The following SLC37A1 variants were observed in gnomAD, a reference collection of about 807,000 sequenced individuals.
The protein encoded by SLC37A1 is glucose-6-phosphate exchanger SLC37A1.
A neutral mutation model predicts 75.3 loss-of-function variants in SLC37A1; 49 were observed. The ratio of observed to expected loss-of-function variants is 0.65; its 90% CI spans 0.52 to 0.83. The LOEUF (loss-of-function observed/expected upper bound fraction) is 0.83, where lower values mean the gene tolerates loss of function less well. SLC37A1 is among the 40% of genes least tolerant of loss of function. The pLI is 0.00. For synonymous variants in SLC37A1, 268 were observed against 292.1 expected, an observed-to-expected ratio of 0.92 and a Z score of 0.84; for missense variants, 566 against 695.0, an observed-to-expected ratio of 0.81 and a Z score of 2.09.
chr21:42,542,938 G>A (rs759859124), intron 7 of SLC37A1, among the ~76,000 whole-genome samples: 3 of 152,248 alleles, frequency 2.0e-5, no homozygotes, highest in Admixed American at 6.5e-5. Context: ...TTATTTATTT[G>A]TAAAATTCAG....
At chr21:42,561,856 T>G (rs891549770) in intron 11 of SLC37A1, 147 of 503,332 alleles carry the variant, frequency 2.9e-4, no homozygotes, top group Non-Finnish European at 1.8e-5. Context: ...GCCCCGCCCC[T>G]CCCTGGTGCC....
At chr21:42,509,086 A>C (rs1246383328), upstream of SLC37A1, among the ~76,000 whole-genome samples, 1 of 152,242 alleles carries the variant, frequency 6.6e-6, no homozygotes, top group East Asian at 1.9e-4. The surrounding 1 kb of genome is among the most constrained non-coding windows in gnomAD (Gnocchi z 4.2). Context: ...AAATGATACT[A>C]AAGGTATATA....
chr21:42,510,569 T>A (rs1405721201), upstream of SLC37A1, among the ~76,000 whole-genome samples: 2 of 151,656 alleles, frequency 1.3e-5, no homozygotes, highest in Non-Finnish European at 2.9e-5. Flanking sequence ...AATCAAAAGA[T>A]AGAAGTGGCT....
Position 42,539,535 on chromosome 21 carries a change from C to T in SLC37A1, c.374C>T (p.Pro125Leu), listed in dbSNP as rs765963882. 1.6e-5 allele frequency: 26 copies of T among 1,613,302 alleles called. 1 individual carries two copies. Among genetic ancestry groups the T allele is most frequent in the African/African-American group, 2.7e-5 (2 of 74,992 alleles). The change falls in exon 6 of 20, where the codon CCG becomes CTG. Residue 125 changes from proline to leucine, a missense_variant. Coordinates refer to ENST00000352133, the MANE Select transcript of SLC37A1 (RefSeq NM_001320537.2). ...YLSGIIGERL[P>L]IRYYLTFGML... ...AGTGGCATCATTGGGGAGCGCCTGC[C>T]GATTAGGTATTACCTAACTTTCGGG...
rs2056408747 is a variant in SLC37A1 at position 42,580,763 on chromosome 21, G to A, written c.*403G>A. The A allele has an allele frequency of 1.3e-5, 3 of 235,876 alleles. No individual in the cohort carries two copies. Among genetic ancestry groups the A allele is most frequent in the Non-Finnish European group, 2.5e-5 (3 of 119,312 alleles). 14.6% of individuals were successfully genotyped at this position (235,876 alleles called of 1,614,324 possible). Reference sequence around the variant, plus strand: ...AAAGTGAGCGAGTACTGCGCTGGCTGTGGCTTCAGAGAACCTGTATGTGCC... The same window carrying A: ...AAAGTGAGCGAGTACTGCGCTGGCTATGGCTTCAGAGAACCTGTATGTGCC... On this transcript the variant is annotated 3_prime_UTR_variant, in exon 20 of 20. Coordinates refer to ENST00000352133, the MANE Select transcript of SLC37A1 (RefSeq NM_001320537.2).
chr21:42,562,435 T>G (rs928395451), intron 12 of SLC37A1, among the ~76,000 whole-genome samples: 2 of 152,204 alleles, frequency 1.3e-5, no homozygotes, highest in Non-Finnish European at 2.9e-5. Context: ...GTACTTCCTG[T>G]TCTGGGGCAG....
At chr21:42,517,761 G>A (rs2054550695) in intron 1 of SLC37A1, among the ~76,000 whole-genome samples, 1 of 152,184 alleles carries the variant, frequency 6.6e-6, no homozygotes, top group East Asian at 1.9e-4. Context: ...AGGCAGACGA[G>A]GCAAATTCAT....
In SLC37A1 at chr21:42,564,855, G is replaced by A. The variant is rs1029789523; in HGVS notation, c.1221+62G>A. The A allele has an allele frequency of 6.3e-5, 93 of 1,475,886 alleles. 1 individual carries two copies. Among genetic ancestry groups the A allele is most frequent in the Admixed American group, 1.0e-4 (6 of 57,782 alleles). 91.4% of individuals were successfully genotyped at this position (1,475,886 alleles called of 1,614,324 possible). On this transcript the variant is annotated intron_variant, in intron 14 of 19. Coordinates refer to ENST00000352133, the MANE Select transcript of SLC37A1 (RefSeq NM_001320537.2). ...CAGACAGTCCCCCACTGTCCTCCTCGCCAGCCAGCATCCTTCCATCTGGCC... is the reference window on the plus strand; with the variant it reads ...CAGACAGTCCCCCACTGTCCTCCTCACCAGCCAGCATCCTTCCATCTGGCC...
chr21:42,549,161 C>T (rs2055495488), intron 9 of SLC37A1, among the ~76,000 whole-genome samples: 1 of 152,166 alleles, frequency 6.6e-6, no homozygotes, highest in Admixed American at 6.5e-5. Flanking sequence ...CGTCTTGAGA[C>T]TGGGGAGAAC....
At chr21:42,515,222 C>T (rs895083036) in intron 1 of SLC37A1, among the ~76,000 whole-genome samples, 3 of 151,234 alleles carry the variant, frequency 2.0e-5, no homozygotes, top group Non-Finnish European at 4.4e-5. Flanking sequence ...CCTTTAAAAG[C>T]AAAAAGCCAT....
rs2055486656 is a variant in SLC37A1 at position 42,548,789 on chromosome 21, C to T, written c.768+1649C>T. Among the ~76,000 whole-genome samples the T allele has an allele frequency of 6.6e-6, 1 of 152,214 alleles. No individual in the cohort carries two copies. The highest frequency in any genetic ancestry group is 1.5e-5 in the Non-Finnish European group (1 of 68,042). ...CAGTCCATCTGGTTGGTCTCTGTCACCCTCACAGAAGGGTGCGAGCCCCTC... is the reference window on the plus strand; with the variant it reads ...CAGTCCATCTGGTTGGTCTCTGTCATCCTCACAGAAGGGTGCGAGCCCCTC... On this transcript the variant is annotated intron_variant, in intron 9 of 19. Coordinates refer to ENST00000352133, the MANE Select transcript of SLC37A1 (RefSeq NM_001320537.2). This position sits in a 1 kb window ranked among gnomAD's most constrained non-coding sequence, Gnocchi z 5.6.
Position 42,543,595 on chromosome 21 carries a change from C to A in SLC37A1, c.723C>A (p.Leu241=). Residue 241 remains leucine (L), a synonymous_variant, in exon 8 of 20, where the codon CTC becomes CTA. Coordinates refer to ENST00000352133, the MANE Select transcript of SLC37A1 (RefSeq NM_001320537.2). ...AAMGIVCFLF[L]IEHPNDVRCS... is the part of the protein sequence containing the mutation. ...TGGGGATAGTGTGCTTTCTCTTCCTCATTGAACGTAAGTGCACGTGGCCTT... is the reference window on the plus strand; with the variant it reads ...TGGGGATAGTGTGCTTTCTCTTCCTAATTGAACGTAAGTGCACGTGGCCTT... 6.2e-7 allele frequency: 1 copy of A among 1,600,880 alleles called. No individual in the cohort carries two copies. Among genetic ancestry groups the A allele is most frequent in the Non-Finnish European group, 8.5e-7 (1 of 1,172,472 alleles).
intron 1 of SLC37A1, among the ~76,000 whole-genome samples, chr21:42,515,472 T>A (rs1258240827): frequency 6.6e-6 from 1 of 152,212 alleles, no homozygotes; most frequent in East Asian, 1.9e-4. Context: ...TTACTCCTGC[T>A]ATTGCTCACT....
intron 2 of SLC37A1, among the ~76,000 whole-genome samples, chr21:42,523,785 A>G (rs1286878370): frequency 6.6e-6 from 1 of 152,200 alleles, no homozygotes; most frequent in East Asian, 1.9e-4. Context: ...GTCAGCAGGT[A>G]TTCTGCGAGT....
Position 42,514,376 on chromosome 21 carries a change from G to A in SLC37A1, c.-520G>A, listed in dbSNP as rs1229008425. On this transcript the variant is annotated 5_prime_UTR_variant, in exon 1 of 20. It adds an upstream start codon to the 5' untranslated region. Coordinates refer to ENST00000352133, the MANE Select transcript of SLC37A1 (RefSeq NM_001320537.2). This position sits in a 1 kb window ranked among gnomAD's most constrained non-coding sequence, Gnocchi z 4.8. ...CCTGCCCACCCCGGCCCGGGCCGCG[G>A]TGACAGCTGAGGGTCCAGAGAGCCG... 1 of 152,132 alleles carries A rather than the reference G, an allele frequency of 6.6e-6. No homozygotes were observed. Among genetic ancestry groups the A allele is most frequent in the Non-Finnish European group, 1.5e-5 (1 of 68,050 alleles). The allele number at this position is 152,132 out of a possible 1,614,324, so 9.4% of individuals were successfully genotyped here. A position where few individuals can be genotyped will look rare whatever the true frequency, so the allele number is the denominator to read the frequency against.
chr21:42,565,781 G>A, intron 14 of SLC37A1, 46 bp from the exon 15 acceptor site: 1 of 1,580,192 alleles, frequency 6.3e-7, no homozygotes, highest in Non-Finnish European at 8.7e-7. Flanking sequence ...ATCTCGCACT[G>A]CTTGCAGCCA....
upstream of SLC37A1, among the ~76,000 whole-genome samples, chr21:42,510,720 T>A (rs1412181138): frequency 2.6e-5 from 4 of 152,306 alleles, no homozygotes; most frequent in East Asian, 7.7e-4. Flanking sequence ...AAGATACTTA[T>A]ATCAGACAAA....
chr21:42,536,110 C>T (rs991983871), intron 5 of SLC37A1, among the ~76,000 whole-genome samples: 13 of 152,186 alleles, frequency 8.5e-5, no homozygotes, highest in Admixed American at 1.3e-4. Context: ...GGATCTGAGT[C>T]CCAGCTCTGA....
intron 17 of SLC37A1, among the ~76,000 whole-genome samples, chr21:42,573,551 G>A (rs948023318): frequency 1.3e-5 from 2 of 152,138 alleles, no homozygotes; most frequent in South Asian, 2.1e-4. Flanking sequence ...ATGTTGCTTG[G>A]GGGTGTGGAG....
Sources: allele counts gnomAD v4.1 joint callset (sites outside exome capture counted in the v4.1 genomes callset), GRCh38; gene constraint gnomAD v4.1.1; non-coding constraint Gnocchi (gnomAD v3.1); transcripts MANE v1.5; gene names NCBI Gene and HGNC (gene_info 2026-07-23, HGNC 2026-07-21).